Variants in SUPT3H observed in about 807,000 individuals in gnomAD.
The protein encoded by SUPT3H is SPT3 homolog, SAGA and STAGA complex component.
In SUPT3H, 44 loss-of-function variants were observed where a neutral mutation model predicts 44.3. The observed-to-expected ratio is 0.99, with a 90% CI of 0.78 to 1.28. The LOEUF is 1.28. Among genes scored for constraint, SUPT3H ranks in the 50% most tolerant of loss-of-function variants. The pLI is 0.00. For missense variants in SUPT3H, 380 were observed against 387.1 expected (o/e 0.98, Z 0.15); for synonymous variants, 124 against 125.6 (o/e 0.99, Z 0.09).
At chr6:44,997,863 A>G (rs1407470511) in intron 6 of SUPT3H, among the ~76,000 whole-genome samples, 1 of 151,836 alleles carries the variant, frequency 6.6e-6, no homozygotes, top group Non-Finnish European at 1.5e-5. Context: ...GAATTTTGTC[A>G]TATCTCTTTT....
chr6:45,022,429 T>G, intron 3 of SUPT3H, among the ~76,000 whole-genome samples: 1 of 151,924 alleles, frequency 6.6e-6, no homozygotes, highest in East Asian at 1.9e-4. Flanking sequence ...TTTTTTTTTT[T>G]TTTTATTTTC....
intron 1 of SUPT3H, among the ~76,000 whole-genome samples, chr6:45,370,913 GT>G (rs1795956925): frequency 6.6e-6 from 1 of 151,776 alleles, no homozygotes; most frequent in African/African-American, 2.4e-5. Flanking sequence ...GAAAAATTGA[GT>G]TTAAAAAAAA....
chr6:45,321,932 ATAT>A, intron 2 of SUPT3H: 1 of 1,106,046 alleles, frequency 9.0e-7, no homozygotes, highest in South Asian at 1.5e-5. Flanking sequence ...TGGTTAAAAC[ATAT>A]TATAAATAAA....
At position 45,006,361 on chromosome 6, in the gene SUPT3H, TTTTTCC is replaced by T. The variant is rs1314090079; in HGVS notation, c.365-2575_365-2570del. 6.6e-5 allele frequency among the ~76,000 whole-genome samples: 10 copies of T among 152,194 alleles called. No homozygotes were observed. In the East Asian group the frequency reaches 1.4e-3, roughly 21 times the overall value. On this transcript the variant is annotated intron_variant, in intron 5 of 10. Coordinates refer to ENST00000371459, the MANE Select transcript of SUPT3H (RefSeq NM_003599.4). ...TTTGGTATTTATTTCATATTCTTGT[TTTTTCC>T]TTTTCCTTTCTTCATTTTTAATGGT...
intron 4 of SUPT3H, among the ~76,000 whole-genome samples, chr6:45,017,292 G>C (rs1425295184): frequency 6.7e-6 from 1 of 149,048 alleles, no homozygotes; most frequent in Admixed American, 6.7e-5. Flanking sequence ...CCATTTTGTA[G>C]GTTGCCTGTT....
intron 2 of SUPT3H, among the ~76,000 whole-genome samples, chr6:45,178,904 A>G (rs9349314): frequency 0.85 from 127,916 of 150,112 alleles, 54,769 homozygotes; most frequent in African/African-American, 0.9. Context: ...TCTCTGGGAC[A>G]CATTCAAAGC....
At chr6:45,004,510 A>AT (rs1353123583) in intron 5 of SUPT3H, among the ~76,000 whole-genome samples, 8 of 151,922 alleles carry the variant, frequency 5.3e-5, no homozygotes, top group African/African-American at 9.7e-5. Flanking sequence ...CTTTTTCTTC[A>AT]TTTTTATCAT....
Position 44,828,489 on chromosome 6 carries a change from TAA to T in SUPT3H, c.*1325_*1326del, listed in dbSNP as rs901954294. Among the ~76,000 whole-genome samples, 4 of 152,156 alleles carry T rather than the reference TAA, an allele frequency of 2.6e-5. No homozygotes were observed. The highest frequency in any genetic ancestry group is 5.9e-5 in the Non-Finnish European group (4 of 67,988). ...TTCTTTGAGTCTGATGGTTTTCAAATAAAAAGTCTTGAATTTAAAATTGAAAC... is the reference window on the plus strand; with the variant it reads ...TTCTTTGAGTCTGATGGTTTTCAAATAAAGTCTTGAATTTAAAATTGAAAC... On this transcript the variant is annotated 3_prime_UTR_variant, in exon 11 of 11. Coordinates refer to ENST00000371459, the MANE Select transcript of SUPT3H (RefSeq NM_003599.4).
At chr6:45,057,901 T>G (rs1791378746) in intron 3 of SUPT3H, among the ~76,000 whole-genome samples, 1 of 152,106 alleles carries the variant, frequency 6.6e-6, no homozygotes, top group South Asian at 2.1e-4. Context: ...ATTGCTTAAG[T>G]AAACACAGCA....
intron 2 of SUPT3H, among the ~76,000 whole-genome samples, chr6:45,175,012 TAAAAA>T (rs57838175): frequency 0.029 from 1,819 of 62,528 alleles, 58 homozygotes; most frequent in African/African-American, 0.11. Context: ...CCCTCGTCAC[TAAAAA>T]AAAAAAAAAA....
At chr6:45,356,124 TTC>T (rs1793119479) in intron 2 of SUPT3H, among the ~76,000 whole-genome samples, 1 of 152,174 alleles carries the variant, frequency 6.6e-6, no homozygotes, top group African/African-American at 2.4e-5. Context: ...GTGTACTCTA[TTC>T]TGTCATAGGA....
At chr6:45,203,394 C>T (rs1762724428) in intron 2 of SUPT3H, among the ~76,000 whole-genome samples, 1 of 152,080 alleles carries the variant, frequency 6.6e-6, no homozygotes, top group South Asian at 2.1e-4. Context: ...TAAGTATATC[C>T]TGAGTTGTCT....
At chr6:45,242,993 G>T (rs1216016489) in intron 2 of SUPT3H, among the ~76,000 whole-genome samples, 3 of 151,862 alleles carry the variant, frequency 2.0e-5, no homozygotes, top group African/African-American at 7.3e-5. Context: ...TCAGGATTTA[G>T]GACCAGCCTA....
intron 2 of SUPT3H, among the ~76,000 whole-genome samples, chr6:45,236,202 G>C (rs572255014): frequency 4.6e-5 from 7 of 152,184 alleles, no homozygotes; most frequent in African/African-American, 1.7e-4. Context: ...GCGCTGCTGG[G>C]TTAGGGTCTC....
At chr6:45,113,286 GT>G (rs1338325468) in intron 2 of SUPT3H, among the ~76,000 whole-genome samples, 2 of 151,996 alleles carry the variant, frequency 1.3e-5, no homozygotes, top group Non-Finnish European at 2.9e-5. Context: ...TCATACTGTT[GT>G]TTATGTCATT....
intron 3 of SUPT3H, among the ~76,000 whole-genome samples, chr6:45,055,476 G>A (rs1335570908): frequency 6.6e-6 from 1 of 152,102 alleles, no homozygotes; most frequent in African/African-American, 2.4e-5. Context: ...TATAAAAATG[G>A]CACATAGACC....
At chr6:44,913,784 T>C (rs1767412092) in intron 10 of SUPT3H, among the ~76,000 whole-genome samples, 1 of 152,188 alleles carries the variant, frequency 6.6e-6, no homozygotes, top group Admixed American at 6.5e-5. Flanking sequence ...TTGGGGTTCT[T>C]CAAATTTTGT....
At chr6:45,376,979 T>C (rs967278607) in intron 1 of SUPT3H, among the ~76,000 whole-genome samples, 1 of 151,808 alleles carries the variant, frequency 6.6e-6, no homozygotes, top group Non-Finnish European at 1.5e-5. Context: ...TGCTAATTTA[T>C]CCACGTGTAC....
intron 2 of SUPT3H, among the ~76,000 whole-genome samples, chr6:45,242,460 C>T (rs1000036985): frequency 6.6e-6 from 1 of 152,114 alleles, no homozygotes; most frequent in Non-Finnish European, 1.5e-5. Flanking sequence ...AAGACACAAC[C>T]ATAGGGGAGC....
Sources: gnomAD v4.1 joint callset for allele counts (sites outside exome capture counted in the v4.1 genomes callset) on GRCh38, gnomAD v4.1.1 for gene constraint, MANE v1.5 for transcripts, NCBI Gene and HGNC (gene_info 2026-07-23, HGNC 2026-07-21) for gene names.